The following ATM variants were observed in gnomAD, a reference collection of about 807,000 sequenced individuals.
ATM encodes the protein serine-protein kinase ATM.
Under a neutral mutation model 387.0 loss-of-function variants are expected in ATM, and 308 were observed. That is an observed-to-expected ratio of 0.80 (90% CI 0.73 to 0.87). ATM has a LOEUF of 0.87. ATM is among the 40% of genes least tolerant of loss of function. The pLI, the probability that ATM is intolerant of heterozygous loss-of-function variation, is 0.00. For missense variants in ATM, 3,312 were observed against 3,560.9 expected (o/e 0.93, Z 1.78); for synonymous variants, 1,156 against 1,187.3 (o/e 0.97, Z 0.54).
intron 18 of ATM, among the ~76,000 whole-genome samples, chr11:108,269,059 C>T (rs1591596319): frequency 1.3e-5 from 2 of 152,328 alleles, no homozygotes; most frequent in South Asian, 4.1e-4. Flanking sequence ...TCTCCACACA[C>T]ACACTCATAC....
At position 108,251,003 on chromosome 11, in the gene ATM, A is replaced by C. The variant is rs753109010; in HGVS notation, c.1538A>C (p.Gln513Pro). Residue 513 changes from glutamine to proline, a missense_variant, in exon 10 of 63, where the codon CAG (glutamine) becomes CCG (proline). By Grantham distance (76) the Gln-to-Pro change is moderately conservative. Around this residue, in one of 4 missense-constraint regions of ATM, gnomAD observed 1,791 missense variants for 1,804.5 expected, o/e 0.99. Transcript: ENST00000675843. ...TTTGGCTTACTTGGAGCCATAATTC[A>C]GGGTAGTTTAGTTGAGGTTGACAGA... ...ENFGLLGAIIQGSLVEVDREF... is the reference protein window; with the variant it reads ...ENFGLLGAIIPGSLVEVDREF... 1 of 1,614,204 alleles carries C rather than the reference A, an allele frequency of 6.2e-7. No individual in the cohort carries two copies. Among genetic ancestry groups the C allele is most frequent in the Admixed American group, 1.7e-5 (1 of 60,024 alleles).
intron 22 of ATM, among the ~76,000 whole-genome samples, chr11:108,278,945 TAAAC>T (rs927898678): frequency 1.3e-5 from 2 of 152,090 alleles, no homozygotes; most frequent in African/African-American, 2.4e-5. Flanking sequence ...CAGAGGAACA[TAAAC>T]AATTATAAAA....
At chr11:108,242,139 A>C (rs570247760) in intron 5 of ATM, among the ~76,000 whole-genome samples, 1 of 152,246 alleles carries the variant, frequency 6.6e-6, no homozygotes, top group African/African-American at 2.4e-5. Flanking sequence ...AAAAAACAAA[A>C]AAAAGAGGAC....
chr11:108,272,232 CAA>C (rs1233065418), intron 20 of ATM, among the ~76,000 whole-genome samples: 1 of 152,142 alleles, frequency 6.6e-6, no homozygotes, highest in African/African-American at 2.4e-5. Flanking sequence ...ATATACCAAA[CAA>C]AGAAATTTCT....
At chr11:108,315,046 G>T (rs1478240889) in intron 40 of ATM, among the ~76,000 whole-genome samples, 1 of 152,112 alleles carries the variant, frequency 6.6e-6, no homozygotes, top group Non-Finnish European at 1.5e-5. Flanking sequence ...CAGCCACTGT[G>T]GTGTTAATCA....
chr11:108,259,942 C>T (rs2135429298), intron 16 of ATM, among the ~76,000 whole-genome samples: 1 of 150,874 alleles, frequency 6.6e-6, no homozygotes, highest in Non-Finnish European at 1.5e-5. Context: ...AAGCTATCTG[C>T]TGTTATACTT....
chr11:108,333,579 G>T (rs761198574), intron 53 of ATM, among the ~76,000 whole-genome samples: 3 of 152,204 alleles, frequency 2.0e-5, no homozygotes, highest in Non-Finnish European at 4.4e-5. Context: ...ACAGGAGTAT[G>T]TTATCTATGT....
chr11:108,357,604 A>G (rs1322793202), intron 61 of ATM, among the ~76,000 whole-genome samples: 18 of 152,136 alleles, frequency 1.2e-4, no homozygotes, highest in Non-Finnish European at 7.4e-5. Context: ...ATCGGACAAC[A>G]GGCAGACTGC....
intron 7 of ATM, 140 bp from the exon 8 acceptor site, chr11:108,246,824 G>T (rs1438515815): frequency 4.9e-6 from 3 of 616,654 alleles, no homozygotes; most frequent in Non-Finnish European, 8.7e-6. Flanking sequence ...CTTGTCAGAA[G>T]AGGCATTAGT....
intron 13 of ATM, among the ~76,000 whole-genome samples, chr11:108,255,678 G>A (rs1441477616): frequency 2.0e-5 from 3 of 152,026 alleles, no homozygotes; most frequent in South Asian, 2.1e-4. Context: ...TGCCCGCCTC[G>A]GCCTCCCAAA....
chr11:108,281,753 A>G (rs2082245812), intron 24 of ATM, among the ~76,000 whole-genome samples: 1 of 152,130 alleles, frequency 6.6e-6, no homozygotes, highest in Non-Finnish European at 1.5e-5. Flanking sequence ...CAGTGGACTG[A>G]TATTATGCCA....
chr11:108,337,153 G>T (rs992922838), intron 56 of ATM, among the ~76,000 whole-genome samples: 1 of 152,150 alleles, frequency 6.6e-6, no homozygotes, highest in Non-Finnish European at 1.5e-5. Flanking sequence ...ATAAAAAGCA[G>T]AACTTGGTTT....
chr11:108,301,615 G>A (rs368780941), intron 34 of ATM, 33 bp from the exon 35 acceptor site: 1 of 1,612,242 alleles, frequency 6.2e-7, no homozygotes, highest in African/African-American at 1.3e-5. Context: ...AATAACTGGT[G>A]TACTTGATAG....
chr11:108,280,089 G>T (rs1350478328), intron 23 of ATM, among the ~76,000 whole-genome samples: 1 of 151,998 alleles, frequency 6.6e-6, no homozygotes. Flanking sequence ...ATTTATTTAT[G>T]CCCTGGTTTG....
At chr11:108,224,136 G>C (rs1177019726) in intron 1 of ATM, 1 of 152,192 alleles carries the variant, frequency 6.6e-6, no homozygotes, top group East Asian at 1.9e-4. Flanking sequence ...GACTCATAGA[G>C]GTAGGTACTA....
chr11:108,335,347 T>C (rs771712611), intron 55 of ATM: 20 of 1,256,644 alleles, frequency 1.6e-5, no homozygotes, highest in Non-Finnish European at 2.1e-5. Context: ...ACCATTAACA[T>C]GTACAGACAT....
At chr11:108,308,868 G>C in intron 38 of ATM, 2 of 666,068 alleles carry the variant, frequency 3.0e-6, no homozygotes. Context: ...TTTTATACCA[G>C]ATTATCTTCT....
At chr11:108,343,557 A>G (rs1265383755) in intron 57 of ATM, among the ~76,000 whole-genome samples, 186 bp downstream of exon 57, 2 of 152,252 alleles carry the variant, frequency 1.3e-5, no homozygotes, top group African/African-American at 4.8e-5. Context: ...ATTTTAAACT[A>G]CATAATATGT....
intron 61 of ATM, among the ~76,000 whole-genome samples, chr11:108,357,548 T>G (rs11212593): frequency 0.013 from 1,967 of 152,324 alleles, 31 homozygotes; most frequent in African/African-American, 0.031. Flanking sequence ...TGTCCCTGTC[T>G]GACAGCTTTG....
Sources: allele counts gnomAD v4.1 joint callset (sites outside exome capture counted in the v4.1 genomes callset), GRCh38; gene constraint gnomAD v4.1.1; regional missense constraint gnomAD v4.1.1; transcripts MANE v1.5; gene names NCBI Gene and HGNC (gene_info 2026-07-23, HGNC 2026-07-21).